The following DNAJC8 variants were observed in gnomAD, a reference collection of about 807,000 sequenced individuals.
The protein encoded by DNAJC8 is dnaJ homolog subfamily C member 8.
Under a neutral mutation model 43.2 loss-of-function variants are expected in DNAJC8, and 24 were observed. The ratio of observed to expected loss-of-function variants is 0.56; its 90% CI spans 0.40 to 0.78. The LOEUF (loss-of-function observed/expected upper bound fraction) is 0.78, where lower values mean the gene tolerates loss of function less well. DNAJC8 is among the 30% of genes least tolerant of loss of function. The probability of loss-of-function intolerance (pLI) is 0.00; values close to 1 mark genes in which losing one functional copy is unlikely to be tolerated. For missense variants in DNAJC8, 207 were observed against 299.4 expected, an observed-to-expected ratio of 0.69 and a Z score of 2.28; for synonymous variants, 83 against 98.0, an observed-to-expected ratio of 0.85 and a Z score of 0.90.
chr1:28,209,914 A>G, intron 5 of DNAJC8, 58 bp downstream of exon 5: 1 of 1,500,140 alleles, frequency 6.7e-7, no homozygotes, highest in Non-Finnish European at 9.3e-7. Context: ...ACCCTTCTAC[A>G]AGGTGCCCAA....
intron 2 of DNAJC8, among the ~76,000 whole-genome samples, chr1:28,215,287 A>G (rs1646843385): frequency 6.6e-6 from 1 of 152,114 alleles, no homozygotes; most frequent in African/African-American, 2.4e-5. Context: ...AAAATTTTGC[A>G]TTTCTCCTTC....
intron 2 of DNAJC8, among the ~76,000 whole-genome samples, chr1:28,219,161 T>C (rs567440148): frequency 3.9e-5 from 6 of 152,188 alleles, no homozygotes; most frequent in Non-Finnish European, 8.8e-5. Flanking sequence ...CATGATGTTA[T>C]GGGATATATA....
At chr1:28,228,505 G>A (rs184427786) in intron 2 of DNAJC8, among the ~76,000 whole-genome samples, 6 of 151,990 alleles carry the variant, frequency 3.9e-5, no homozygotes, top group Admixed American at 2.0e-4. Context: ...AGTTCTGCTC[G>A]GTACAATCAC....
chr1:28,221,734 A>G (rs1187734864), intron 2 of DNAJC8, among the ~76,000 whole-genome samples: 1 of 152,198 alleles, frequency 6.6e-6, no homozygotes, highest in Non-Finnish European at 1.5e-5. Context: ...CCAGCAAATC[A>G]TCTTCCCCTA....
chr1:28,211,487 C>A (rs1376432916), intron 3 of DNAJC8, among the ~76,000 whole-genome samples: 1 of 152,228 alleles, frequency 6.6e-6, no homozygotes, highest in Non-Finnish European at 1.5e-5. Context: ...ATAAGGGATA[C>A]TCAACCTGTA....
At chr1:28,216,237 A>C (rs553904495) in intron 2 of DNAJC8, among the ~76,000 whole-genome samples, 38 of 152,298 alleles carry the variant, frequency 2.5e-4, no homozygotes, top group African/African-American at 9.1e-4. Context: ...GAGAATTTTC[A>C]AGTCAGTGCG....
chr1:28,201,613 A>C (rs1553167340), intron 8 of DNAJC8, among the ~76,000 whole-genome samples: 3 of 152,058 alleles, frequency 2.0e-5, no homozygotes, highest in Non-Finnish European at 4.4e-5. Context: ...ACATGGTGAA[A>C]CCCTGTGTCT....
intron 2 of DNAJC8, 112 bp from the exon 3 acceptor site, chr1:28,215,108 T>C (rs538084345): frequency 3.7e-6 from 3 of 819,878 alleles, no homozygotes; most frequent in Non-Finnish European, 5.5e-6. Context: ...TAGTACCCCA[T>C]GTTCTAGAAC....
chr1:28,219,166 T>A (rs904484593), intron 2 of DNAJC8, among the ~76,000 whole-genome samples: 1 of 151,986 alleles, frequency 6.6e-6, no homozygotes, highest in African/African-American at 2.4e-5. Context: ...TGTTATGGGA[T>A]ATATACAGAC....
At chr1:28,206,200 A>G (rs934642110) in intron 6 of DNAJC8, among the ~76,000 whole-genome samples, 2 of 151,828 alleles carry the variant, frequency 1.3e-5, no homozygotes. Context: ...TCTTTTTTAA[A>G]AAAGTATATT....
At chr1:28,204,457 A>G (rs1234635425) in intron 7 of DNAJC8, among the ~76,000 whole-genome samples, 1 of 151,984 alleles carries the variant, frequency 6.6e-6, no homozygotes, top group Non-Finnish European at 1.5e-5. Flanking sequence ...AATCACCTGA[A>G]CCTGGGGAGG....
intron 1 of DNAJC8, among the ~76,000 whole-genome samples, chr1:28,231,825 T>G (rs1366837133): frequency 6.6e-6 from 1 of 151,704 alleles, no homozygotes; most frequent in Non-Finnish European, 1.5e-5. Context: ...TGGAGTGCAG[T>G]GGCGCGATCT....
At chr1:28,208,290 T>C in intron 6 of DNAJC8, 52 bp downstream of exon 6, 2 of 1,434,070 alleles carry the variant, frequency 1.4e-6, no homozygotes, top group Non-Finnish European at 1.9e-6. Flanking sequence ...AACCCACCAA[T>C]TCGTAGACAC....
intron 2 of DNAJC8, among the ~76,000 whole-genome samples, chr1:28,221,547 G>C (rs536890): frequency 0.41 from 62,973 of 151,900 alleles, 14,531 homozygotes; most frequent in African/African-American, 0.62. Context: ...AAATCCTAGC[G>C]TTTCACACTG....
chr1:28,232,908 ACT>A lies in DNAJC8; in HGVS notation c.78+11_78+12del. 1.9e-6 allele frequency: 3 copies of A among 1,611,104 alleles called. No individual in the cohort carries two copies. The highest frequency in any genetic ancestry group is 2.5e-6 in the Non-Finnish European group (3 of 1,179,540). ...GGTCGCCCCGGTGCCACTACTCCTC[ACT>A]CTGTGTTCACCTCACTGTAGAAGGT... On this transcript the variant is annotated intron_variant, in intron 1 of 8. Transcript: ENST00000263697.
At chr1:28,230,535 T>C (rs1281506709) in intron 1 of DNAJC8, among the ~76,000 whole-genome samples, 3 of 152,358 alleles carry the variant, frequency 2.0e-5, no homozygotes, top group East Asian at 1.9e-4. Context: ...CTGAGCAACA[T>C]GGCAAGACCT....
intron 2 of DNAJC8, among the ~76,000 whole-genome samples, chr1:28,220,327 C>T (rs1646890350): frequency 6.6e-6 from 1 of 152,190 alleles, no homozygotes. Context: ...CTCTTTGAAG[C>T]CAGCTTTATA....
chr1:28,231,487 C>A (rs1468719078), intron 1 of DNAJC8, among the ~76,000 whole-genome samples: 1 of 151,454 alleles, frequency 6.6e-6, no homozygotes, highest in East Asian at 2.0e-4. Flanking sequence ...GAGGCCGAGG[C>A]GGGAGGACCT....
rs1646816460 is a variant in DNAJC8, at chr1:28,212,173, ATATAT to A, written c.238-1541_238-1537del. On this transcript the variant is annotated intron_variant, in intron 3 of 8. Transcript: ENST00000263697. ...TCCGTCTCAATAAATAAATAAATAT[ATATAT>A]ATATATATATATATATATATATATA... Among the ~76,000 whole-genome samples the A allele has an allele frequency of 9.2e-3, 727 of 79,336 alleles. 45 individuals are homozygous for A. The highest frequency in any genetic ancestry group is 0.018 in the East Asian group (45 of 2,482). 52.0% of individuals were successfully genotyped at this position (79,336 alleles called of 152,430 possible).
Sources: allele counts gnomAD v4.1 joint callset (sites outside exome capture counted in the v4.1 genomes callset), GRCh38; gene constraint gnomAD v4.1.1; transcripts MANE v1.5; gene names NCBI Gene and HGNC (gene_info 2026-07-23, HGNC 2026-07-21).